CEP57: variants seen among roughly 807,000 people sequenced by gnomAD.
CEP57 encodes the protein centrosomal protein of 57 kDa.
Under a neutral mutation model 68.0 loss-of-function variants are expected in CEP57, and 40 were observed. The observed-to-expected ratio is 0.59, with a 90% CI of 0.46 to 0.77. CEP57 has a LOEUF of 0.77. Ranked by LOEUF, CEP57 falls within the 30% of genes least tolerant of loss-of-function variation. The probability of loss-of-function intolerance (pLI) is 0.00; values close to 1 mark genes in which losing one functional copy is unlikely to be tolerated. For missense variants in CEP57, 606 were observed against 580.7 expected (o/e 1.04, Z -0.45); for synonymous variants, 219 against 198.7 (o/e 1.10, Z -0.86).
In CEP57 at chr11:95,832,240, C is replaced by T. The variant is rs1863034589; in HGVS notation, c.*984C>T. On this transcript the variant is annotated 3_prime_UTR_variant, in exon 11 of 11. Transcript: ENST00000325542. ...CACCTTTTTAAAGGAAACACTGCAA[C>T]TTTCCTTAACAGCCTGTTAATAAAG... The T allele has an allele frequency of 1.3e-5, 2 of 152,070 alleles. No individual in the cohort carries two copies. The highest frequency in any genetic ancestry group is 2.9e-5 in the Non-Finnish European group (2 of 67,976). The allele number at this position is 152,070 out of a possible 1,614,324, so 9.4% of individuals were successfully genotyped here.
chr11:95,809,039 T>G (rs559522002), intron 2 of CEP57, among the ~76,000 whole-genome samples: 1 of 152,244 alleles, frequency 6.6e-6, no homozygotes, highest in African/African-American at 2.4e-5. Context: ...GAACTCAGGA[T>G]TAAGAAACTC....
intron 9 of CEP57, among the ~76,000 whole-genome samples, chr11:95,828,532 A>G (rs1347870844): frequency 6.6e-6 from 1 of 152,226 alleles, no homozygotes; most frequent in Non-Finnish European, 1.5e-5. Flanking sequence ...CCACTGTTGT[A>G]TATGTGGTCT....
chr11:95,824,250 A>AT (rs201670241), intron 8 of CEP57, among the ~76,000 whole-genome samples: 10 of 151,768 alleles, frequency 6.6e-5, no homozygotes, highest in African/African-American at 9.7e-5. Flanking sequence ...TCTTTAAAAA[A>AT]TTTTTTTTAA....
intron 1 of CEP57, among the ~76,000 whole-genome samples, chr11:95,792,613 A>G (rs999177103): frequency 6.6e-6 from 1 of 152,264 alleles, no homozygotes; most frequent in African/African-American, 2.4e-5. Flanking sequence ...AAGACTGTTC[A>G]TTAGGAAAGC....
chr11:95,817,048 T>G (rs1862325652), intron 4 of CEP57, among the ~76,000 whole-genome samples: 2 of 151,246 alleles, frequency 1.3e-5, no homozygotes, highest in South Asian at 4.2e-4. Flanking sequence ...GCAATCTTTA[T>G]AAATCTTTGA....
chr11:95,814,377 T>TTTTTG (rs1862209100), intron 4 of CEP57, among the ~76,000 whole-genome samples: 1 of 148,952 alleles, frequency 6.7e-6, no homozygotes, highest in African/African-American at 2.5e-5. Flanking sequence ...TTTTTTTTTT[T>TTTTTG]GAGACGGAGT....
intron 6 of CEP57, among the ~76,000 whole-genome samples, chr11:95,819,439 G>A (rs560143636): frequency 1.2e-4 from 19 of 152,226 alleles, no homozygotes; most frequent in Admixed American, 1.1e-3. Context: ...GAGGCAGTGT[G>A]GATTCACAAA....
At chr11:95,815,531 TAAAG>T (rs952761530) in intron 4 of CEP57, among the ~76,000 whole-genome samples, 8 of 152,148 alleles carry the variant, frequency 5.3e-5, no homozygotes, top group African/African-American at 9.7e-5. Context: ...GGGAACTTAA[TAAAG>T]AAAAGTTATA....
intron 2 of CEP57, among the ~76,000 whole-genome samples, chr11:95,804,892 T>C (rs182197719): frequency 1.3e-5 from 2 of 152,212 alleles, no homozygotes; most frequent in Non-Finnish European, 2.9e-5. Context: ...AATCATGTGT[T>C]TTCTAAATTA....
intron 1 of CEP57, among the ~76,000 whole-genome samples, chr11:95,792,226 C>T (rs1861115884): frequency 1.3e-5 from 2 of 152,136 alleles, no homozygotes; most frequent in African/African-American, 4.8e-5. Context: ...TTGGAAGTGT[C>T]AGCAGATGGA....
Position 95,799,385 on chromosome 11 carries a change from A to T in CEP57, c.199A>T (p.Arg67Ter). 6.2e-7 allele frequency: 1 copy of T among 1,613,958 alleles called. No homozygotes were observed. Among genetic ancestry groups the T allele is most frequent in the African/African-American group, 1.3e-5 (1 of 75,060 alleles). ...PTLAYPESNS[R>*]AIFSALKNLQ... ...ACTTGCCTATCCAGAAAGCAACAGC[A>T]GAGGTAATCGAGCCTAACGAAATAA... The change falls in exon 2 of 11, where the codon AGA becomes TGA. Residue 67 changes from arginine (R) to a stop codon, truncating the protein, a stop_gained. Coordinates refer to ENST00000325542, the MANE Select transcript of CEP57 (RefSeq NM_014679.5). LOFTEE classifies it high-confidence loss of function.
Position 95,832,099 on chromosome 11 carries a change from C to G in CEP57, c.*843C>G, listed in dbSNP as rs373932557. On this transcript the variant is annotated 3_prime_UTR_variant, in exon 11 of 11. Transcript: ENST00000325542. ...AGAACCCTTTGAATATTTGCTTTTA[C>G]TGGTGTACAGTATGAGTGGAATATA... is the stretch of plus-strand genomic sequence containing the variant. 1 of 152,150 alleles carries G rather than the reference C, an allele frequency of 6.6e-6. No individual in the cohort carries two copies. Among genetic ancestry groups the G allele is most frequent in the East Asian group, 1.9e-4 (1 of 5,186 alleles). The allele number at this position is 152,150 out of a possible 1,614,324, so 9.4% of individuals were successfully genotyped here.
chr11:95,807,398 G>A (rs769120967), intron 2 of CEP57, among the ~76,000 whole-genome samples: 4 of 152,144 alleles, frequency 2.6e-5, no homozygotes, highest in Admixed American at 6.5e-5. Flanking sequence ...GGCTTCAAAC[G>A]ATCGGTGATA....
chr11:95,797,685 T>C (rs537130408), intron 1 of CEP57, among the ~76,000 whole-genome samples: 76 of 152,278 alleles, frequency 5.0e-4, no homozygotes, highest in African/African-American at 1.8e-3. Flanking sequence ...CCACAGGGCA[T>C]ACAGATAATA....
At chr11:95,811,539 C>T (rs1390098301) in intron 2 of CEP57, among the ~76,000 whole-genome samples, 4 of 150,646 alleles carry the variant, frequency 2.7e-5, no homozygotes, top group African/African-American at 9.8e-5. Context: ...TGTAACAAAC[C>T]TGCACGTTGA....
At chr11:95,810,180 A>C (rs939423717) in intron 2 of CEP57, among the ~76,000 whole-genome samples, 17 of 152,318 alleles carry the variant, frequency 1.1e-4, no homozygotes, top group African/African-American at 4.1e-4. Flanking sequence ...TCAATAAACT[A>C]GGTATTGATG....
intron 4 of CEP57, among the ~76,000 whole-genome samples, chr11:95,816,941 G>A (rs753260009): frequency 5.9e-5 from 9 of 151,638 alleles, no homozygotes; most frequent in African/African-American, 2.2e-4. Flanking sequence ...AACCCAGGAG[G>A]CAGAGGTTGC....
upstream of CEP57, chr11:95,790,454 C>A (rs1185311143): frequency 1.4e-5 from 8 of 587,450 alleles, no homozygotes; most frequent in Non-Finnish European, 2.4e-5. Context: ...AAGACGTCTG[C>A]TGTTTTGATT....
At chr11:95,821,636 C>T (rs1457756053) in intron 6 of CEP57, among the ~76,000 whole-genome samples, 2 of 152,002 alleles carry the variant, frequency 1.3e-5, no homozygotes, top group African/African-American at 2.4e-5. Context: ...ATGTGTTCCA[C>T]GCTGAAGAAG....
Sources: allele counts gnomAD v4.1 joint callset (sites outside exome capture counted in the v4.1 genomes callset), GRCh38; gene constraint gnomAD v4.1.1; transcripts MANE v1.5; gene names NCBI Gene and HGNC (gene_info 2026-07-23, HGNC 2026-07-21).